Variants in RBFOX1 observed in about 807,000 individuals in gnomAD.
RBFOX1 encodes the protein RNA binding fox-1 homolog 1, also known as RNA binding protein fox-1 homolog 1.
Under a neutral mutation model 57.7 loss-of-function variants are expected in RBFOX1, and 8 were observed. The ratio of observed to expected loss-of-function variants is 0.14; its 90% CI spans 0.08 to 0.25. The LOEUF is 0.25. Among genes scored for constraint, RBFOX1 ranks in the 10% least tolerant of loss-of-function variants. RBFOX1 has a pLI of 1.00. For missense variants in RBFOX1, 611 were observed against 548.5 expected (o/e 1.11, Z -1.14); for synonymous variants, 326 against 222.4 (o/e 1.47, Z -4.15).
intron 3 of RBFOX1, among the ~76,000 whole-genome samples, chr16:6,833,563 C>T (rs777985021): frequency 5.9e-5 from 9 of 152,234 alleles, no homozygotes; most frequent in East Asian, 3.9e-4. Flanking sequence ...ACAGTCTGAC[C>T]GATCATTTCC....
At chr16:7,679,219 T>G (rs763650) in intron 14 of RBFOX1, among the ~76,000 whole-genome samples, 64,288 of 152,130 alleles carry the variant, frequency 0.42, 14,644 homozygotes, top group Non-Finnish European at 0.51. Flanking sequence ...AATACCTTTT[T>G]ATAGAAGACA....
chr16:7,549,587 C>T (rs2085688504), intron 5 of RBFOX1, among the ~76,000 whole-genome samples: 1 of 152,168 alleles, frequency 6.6e-6, no homozygotes, highest in Admixed American at 6.5e-5. Flanking sequence ...GACAGTGAAA[C>T]CTTCAGTCTG....
chr16:5,897,326 C>T (rs1195678501), intron 4 of RBFOX1, among the ~76,000 whole-genome samples: 4 of 152,242 alleles, frequency 2.6e-5, no homozygotes, highest in East Asian at 1.9e-4. Context: ...TGAGCCACCG[C>T]GCCCGGCCCT....
At position 7,225,919 on chromosome 16, in the gene RBFOX1, T is replaced by A. The variant is rs28558120; in HGVS notation, c.27+173821T>A. On this transcript the variant is annotated intron_variant, in intron 4 of 15. Transcript: ENST00000550418. ...AAAGTATAATAAATATATATATATA[T>A]AAATGTGAATGTCATGTTTCTGAGA... Among the ~76,000 whole-genome samples the A allele has an allele frequency of 5.6e-3, 789 of 142,118 alleles. 24 individuals are homozygous for A. Among genetic ancestry groups the A allele is most frequent in the Non-Finnish European group, 7.9e-3 (522 of 65,860 alleles). The allele number at this position is 142,118 out of a possible 152,430, so 93.2% of individuals were successfully genotyped here. A position where few individuals can be genotyped will look rare whatever the true frequency, so the allele number is the denominator to read the frequency against.
chr16:6,959,701 C>G (rs1253545844), intron 3 of RBFOX1, among the ~76,000 whole-genome samples: 1 of 152,112 alleles, frequency 6.6e-6, no homozygotes, highest in East Asian at 1.9e-4. Flanking sequence ...CTTGGGGAGG[C>G]TGAGGTAGGC....
At chr16:6,933,914 G>A (rs996723733) in intron 3 of RBFOX1, among the ~76,000 whole-genome samples, 1 of 152,098 alleles carries the variant, frequency 6.6e-6, no homozygotes, top group South Asian at 2.1e-4. Flanking sequence ...AAATACCAGT[G>A]TTTGAGTGAT....
intron 2 of RBFOX1, among the ~76,000 whole-genome samples, chr16:6,451,236 C>T (rs912751291): frequency 1.3e-5 from 2 of 151,840 alleles, no homozygotes; most frequent in Admixed American, 1.3e-4. Flanking sequence ...CTGAGGTAGC[C>T]TAGAAATGTG....
intron 4 of RBFOX1, among the ~76,000 whole-genome samples, chr16:7,162,943 T>C (rs961224149): frequency 2.6e-5 from 4 of 152,154 alleles, no homozygotes; most frequent in Non-Finnish European, 4.4e-5. Flanking sequence ...GTTTTGGCCA[T>C]CACCTGACCT....
At chr16:6,625,134 C>A (rs1479809633) in intron 2 of RBFOX1, among the ~76,000 whole-genome samples, 5 of 127,246 alleles carry the variant, frequency 3.9e-5, no homozygotes, top group African/African-American at 1.5e-4. Flanking sequence ...CATTGCACTC[C>A]ATCCTCGGCC....
At position 7,236,338 on chromosome 16, in the gene RBFOX1, A is replaced by G. The variant is rs558090721; in HGVS notation, c.27+184240A>G. 2.6e-5 allele frequency among the ~76,000 whole-genome samples: 4 copies of G among 152,340 alleles called. No homozygotes were observed. In the East Asian group the frequency reaches 7.7e-4, roughly 29 times the overall value. Reference sequence around the variant, plus strand: ...AGTTAGGGAGAGAAGGAGATCATGTATGCAAAAAGTAGAACATTTCTCCCC... The same window carrying G: ...AGTTAGGGAGAGAAGGAGATCATGTGTGCAAAAAGTAGAACATTTCTCCCC... On this transcript the variant is annotated intron_variant, in intron 4 of 15. Coordinates refer to ENST00000550418, the MANE Select transcript of RBFOX1 (RefSeq NM_018723.4).
At position 5,485,582 on chromosome 16, in the gene RBFOX1, C is replaced by T. The variant is rs565175411; in HGVS notation, c.258+18328C>T. On this transcript the variant is annotated intron_variant, in intron 2 of 2. Coordinates refer to the RBFOX1 transcript ENST00000585867. ...CTTAAATGGATTTTAATATTTATTC[C>T]GCATTATACCTCAAAGAGAATTCAC... 3.9e-5 allele frequency among the ~76,000 whole-genome samples: 6 copies of T among 152,144 alleles called. No homozygotes were observed. The East Asian group carries it at 5.8e-4, about 15-fold the overall frequency.
At chr16:7,300,236 A>C (rs573966503) in intron 4 of RBFOX1, among the ~76,000 whole-genome samples, 1 of 152,076 alleles carries the variant, frequency 6.6e-6, no homozygotes, top group African/African-American at 2.4e-5. Context: ...ACCCACTAGA[A>C]TGTAAACTGT....
At chr16:5,284,889 T>G (rs898328751) in intron 1 of RBFOX1, among the ~76,000 whole-genome samples, 58 of 151,900 alleles carry the variant, frequency 3.8e-4, no homozygotes, top group African/African-American at 1.4e-3. Flanking sequence ...TCTTGCTGTT[T>G]TTAGAATTTT....
intron 2 of RBFOX1, among the ~76,000 whole-genome samples, chr16:6,561,569 C>T (rs1181827628): frequency 2.6e-5 from 4 of 152,080 alleles, no homozygotes; most frequent in East Asian, 3.8e-4. Context: ...TTTAGAAGGG[C>T]GAGGGGTTGT....
chr16:7,182,583 C>G (rs1372930288), intron 4 of RBFOX1, among the ~76,000 whole-genome samples: 2 of 152,006 alleles, frequency 1.3e-5, no homozygotes, highest in Non-Finnish European at 2.9e-5. Context: ...GAACAGAAAC[C>G]CAGTTTAGAC....
intron 2 of RBFOX1, among the ~76,000 whole-genome samples, chr16:6,332,435 T>G (rs1012444475): frequency 1.3e-5 from 2 of 152,222 alleles, no homozygotes; most frequent in Non-Finnish European, 2.9e-5. Context: ...AAAGGTTGGA[T>G]AGCAATTGTA....
At chr16:5,334,630 T>C (rs1355027933) in intron 1 of RBFOX1, among the ~76,000 whole-genome samples, 1 of 152,126 alleles carries the variant, frequency 6.6e-6, no homozygotes, top group Admixed American at 6.5e-5. Context: ...TTCAAGTGTG[T>C]GCTTGACAAA....
At chr16:5,719,819 G>A (rs535645132) in intron 3 of RBFOX1, among the ~76,000 whole-genome samples, 2 of 152,068 alleles carry the variant, frequency 1.3e-5, no homozygotes. Flanking sequence ...TGGACATTTG[G>A]GTTGTTTCCG....
chr16:6,558,917 T>G (rs1242889023), intron 2 of RBFOX1, among the ~76,000 whole-genome samples: 1 of 152,084 alleles, frequency 6.6e-6, no homozygotes, highest in Non-Finnish European at 1.5e-5. Context: ...GTGCCCCTCC[T>G]GCCTCACCAC....
Sources: allele counts gnomAD v4.1 joint callset (sites outside exome capture counted in the v4.1 genomes callset), GRCh38; gene constraint gnomAD v4.1.1; transcripts MANE v1.5; gene names NCBI Gene and HGNC (gene_info 2026-07-23, HGNC 2026-07-21).